Variants in MED4 observed in about 807,000 individuals in gnomAD.
The protein encoded by MED4 is mediator of RNA polymerase II transcription subunit 4.
In MED4, 21 loss-of-function variants were observed where a neutral mutation model predicts 35.0. The ratio of observed to expected loss-of-function variants is 0.60; its 90% CI spans 0.43 to 0.86. MED4 has a LOEUF of 0.86. Among genes scored for constraint, MED4 ranks in the 40% least tolerant of loss-of-function variants. MED4 has a pLI of 0.00. For synonymous variants in MED4, 138 were observed against 114.0 expected, an observed-to-expected ratio of 1.21 and a Z score of -1.34; for missense variants, 300 against 319.4, an observed-to-expected ratio of 0.94 and a Z score of 0.46.
rs773309065 is a variant in MED4 at position 48,095,014 on chromosome 13, C to A, written c.65G>T (p.Gly22Val). The A allele has an allele frequency of 8.1e-6, 13 of 1,604,720 alleles. No homozygotes were observed. The African/African-American group carries it at 1.7e-4, about 21-fold the overall frequency. The change falls in exon 1 of 7, where the codon GGT (glycine) becomes GTT (valine). Residue 22 changes from glycine (G) to valine (V), a missense_variant. Physicochemically the swap from Gly to Val is moderately radical, Grantham distance 109. Coordinates refer to ENST00000258648, the MANE Select transcript of MED4 (RefSeq NM_014166.4). ...CAGCCGCTCTCGTGTGCTGTTACCA[C>A]CCGCCACTCCCAAACCGCCTCCCAG... ...ERLGGGLGVA[G>V]GNSTRERLLS...
At chr13:48,093,338 T>C (rs1229849328) in intron 1 of MED4, among the ~76,000 whole-genome samples, 1 of 152,012 alleles carries the variant, frequency 6.6e-6, no homozygotes, top group Non-Finnish European at 1.5e-5. Context: ...TTTTATAAAC[T>C]AATAAATATC....
In MED4 at chr13:48,095,015, C is replaced by T; in HGVS notation, c.64G>A (p.Gly22Ser). The change falls in exon 1 of 7, where the codon GGT becomes AGT. Residue 22 changes from glycine (G) to serine (S), a missense_variant. Coordinates refer to ENST00000258648, the MANE Select transcript of MED4 (RefSeq NM_014166.4). Reference protein sequence around the residue: ...ERLGGGLGVAGGNSTRERLLS... With the variant: ...ERLGGGLGVASGNSTRERLLS... ...AGCCGCTCTCGTGTGCTGTTACCACCCGCCACTCCCAAACCGCCTCCCAGC... is the reference window on the plus strand; with the variant it reads ...AGCCGCTCTCGTGTGCTGTTACCACTCGCCACTCCCAAACCGCCTCCCAGC... 1 of 1,605,000 alleles carries T rather than the reference C, an allele frequency of 6.2e-7. No individual in the cohort carries two copies.
intron 4 of MED4, among the ~76,000 whole-genome samples, chr13:48,082,000 TA>T (rs1217883121): frequency 1.3e-5 from 2 of 152,198 alleles, no homozygotes; most frequent in Admixed American, 6.5e-5. Flanking sequence ...TAACTACCGT[TA>T]AATACCATTC....
At chr13:48,078,795 A>C (rs1193376595) in intron 6 of MED4, among the ~76,000 whole-genome samples, 2 of 152,216 alleles carry the variant, frequency 1.3e-5, no homozygotes, top group Non-Finnish European at 2.9e-5. Context: ...AGGATATCAC[A>C]GTTGAGTTCC....
chr13:48,081,634 A>C lies in MED4; in HGVS notation c.508+11T>G. ...CACATATATCTAGTATAATAAGACG[A>C]GTATGTTTACCTGGAACCCAGGTCA... is the stretch of plus-strand genomic sequence containing the variant. On this transcript the variant is annotated intron_variant, in intron 5 of 6. Coordinates refer to ENST00000258648, the MANE Select transcript of MED4 (RefSeq NM_014166.4). 1 of 1,594,798 alleles carries C rather than the reference A, an allele frequency of 6.3e-7. No homozygotes were observed. Among genetic ancestry groups the C allele is most frequent in the Non-Finnish European group, 8.6e-7 (1 of 1,165,886 alleles).
Position 48,079,187 on chromosome 13 carries a change from T to C in MED4, c.640+657A>G, listed in dbSNP as rs553871206. On this transcript the variant is annotated intron_variant, in intron 6 of 6. Coordinates refer to ENST00000258648, the MANE Select transcript of MED4 (RefSeq NM_014166.4). ...AAAAGTTTATAAAAAGCTATTGTTA[T>C]TCATTTTGTTAACTTGGGGGTTGTT... Among the ~76,000 whole-genome samples, 19 of 152,342 alleles carry C rather than the reference T, an allele frequency of 1.2e-4. No individual in the cohort carries two copies. In the South Asian group the frequency reaches 3.7e-3, roughly 30 times the overall value.
intron 3 of MED4, among the ~76,000 whole-genome samples, chr13:48,083,828 T>C (rs1950828373): frequency 6.6e-6 from 1 of 152,202 alleles, no homozygotes; most frequent in South Asian, 2.1e-4. Flanking sequence ...TGAATTCATA[T>C]TCTTATTCGT....
rs1247943019 is a variant in MED4, at chr13:48,083,520, A to C, written c.364-92T>G. The C allele has an allele frequency of 6.5e-6, 6 of 927,748 alleles. No individual in the cohort carries two copies. The East Asian group carries it at 1.5e-4, about 24-fold the overall frequency. The allele number at this position is 927,748 out of a possible 1,614,324, so 57.5% of individuals were successfully genotyped here. A position where few individuals can be genotyped will look rare whatever the true frequency, so the allele number is the denominator to read the frequency against. On this transcript the variant is annotated intron_variant, in intron 3 of 6. Transcript: ENST00000258648. ...AATTCACAAGATCCTTTAGCCTACAAGAACAATCTTTGAAACTTGGAAATC... is the reference window on the plus strand; with the variant it reads ...AATTCACAAGATCCTTTAGCCTACACGAACAATCTTTGAAACTTGGAAATC...
intron 4 of MED4, among the ~76,000 whole-genome samples, chr13:48,082,046 GAGA>G (rs1388202346): frequency 3.3e-5 from 5 of 152,062 alleles, no homozygotes; most frequent in Admixed American, 2.6e-4. Flanking sequence ...AAATAAAATA[GAGA>G]AAACAGTGTT....
chr13:48,094,988 G>A lies in MED4; in HGVS notation c.91C>T (p.Leu31=). The A allele has an allele frequency of 6.2e-7, 1 of 1,604,068 alleles. No homozygotes were observed. Reference sequence around the variant, plus strand: ...ACCTCCAAGTCCTCAAGCGCAGACAGCAGCCGCTCTCGTGTGCTGTTACCA... The same window carrying A: ...ACCTCCAAGTCCTCAAGCGCAGACAACAGCCGCTCTCGTGTGCTGTTACCA... ...AGGNSTRERL[L]SALEDLEVLS... is the part of the protein sequence containing the mutation. The change falls in exon 1 of 7, where the codon CTG becomes TTG. Residue 31 remains leucine, a synonymous_variant. Coordinates refer to ENST00000258648, the MANE Select transcript of MED4 (RefSeq NM_014166.4).
chr13:48,086,349 T>C lies in MED4; in HGVS notation c.296A>G (p.Glu99Gly), dbSNP rs202034042. 1.7e-5 allele frequency: 27 copies of C among 1,613,786 alleles called. No individual in the cohort carries two copies. The highest frequency in any genetic ancestry group is 1.9e-5 in the Non-Finnish European group (22 of 1,179,904). Residue 99 changes from glutamate (E) to glycine (G), a missense_variant, in exon 3 of 7, where the codon GAA (glutamate) becomes GGA (glycine). Transcript: ENST00000258648. ...AATATCACTGTCTCTCTTCTCTACT[T>C]CTTTTTCTAAAACTTGCATTTCATG... ...IHHEMQVLEK[E>G]VEKRDSDIQQ...
rs199856249 is a variant in MED4 at position 48,086,430 on chromosome 13, C to A, written c.215G>T (p.Arg72Leu). 2 of 1,613,448 alleles carry A rather than the reference C, an allele frequency of 1.2e-6. No individual in the cohort carries two copies. The highest frequency in any genetic ancestry group is 2.7e-5 in the African/African-American group (2 of 74,854). The change falls in exon 3 of 7, where the codon CGA (arginine) becomes CTA (leucine). Residue 72 changes from arginine (R) to leucine (L), a missense_variant. Arg to Leu is a moderately radical substitution (Grantham distance 102, BLOSUM62 -2). Transcript: ENST00000258648. ...CATTAGTTCTTGAAATTCCCCATCT[C>A]GGTGAATTAACAACTCCAGGACCTG... ...ENQVLELLIHRDGEFQELMKL... is the reference protein window; with the variant it reads ...ENQVLELLIHLDGEFQELMKL...
At chr13:48,085,615 AT>A (rs1178828475) in intron 3 of MED4, among the ~76,000 whole-genome samples, 1 of 152,216 alleles carries the variant, frequency 6.6e-6, no homozygotes, top group African/African-American at 2.4e-5. Context: ...TTGTTAAGAG[AT>A]TAATCAGTGG....
intron 2 of MED4, among the ~76,000 whole-genome samples, chr13:48,088,307 G>A (rs1452090962): frequency 1.3e-5 from 2 of 152,114 alleles, no homozygotes; most frequent in African/African-American, 4.8e-5. Flanking sequence ...AAAAAGTACA[G>A]GTATGCCTCT....
At chr13:48,086,246 CT>C in intron 3 of MED4, 35 bp downstream of exon 3, 1 of 1,589,616 alleles carries the variant, frequency 6.3e-7, no homozygotes, top group Non-Finnish European at 8.6e-7. Context: ...AAACAACATC[CT>C]TTTTAACCTT....
rs73479200 is a variant in MED4 at position 48,076,686 on chromosome 13, C to G, written c.*453G>C. On this transcript the variant is annotated 3_prime_UTR_variant, in exon 7 of 7. Coordinates refer to ENST00000258648, the MANE Select transcript of MED4 (RefSeq NM_014166.4). ...GCCAAGAGCCTTTACTGTCAAATGG[C>G]AGTTTTTGTTACTTTTAAATGACAC... 0.039 allele frequency: 5,960 copies of G among 152,564 alleles called. 254 individuals are homozygous for G. Among genetic ancestry groups the G allele is most frequent in the East Asian group, 0.096 (501 of 5,192 alleles). The allele number at this position is 152,564 out of a possible 1,614,324, so 9.5% of individuals were successfully genotyped here.
At position 48,083,370 on chromosome 13, in the gene MED4, C is replaced by A. The variant is rs972763048; in HGVS notation, c.421+1G>T. On this transcript the variant is annotated splice_donor_variant, in intron 4 of 6. Coordinates refer to ENST00000258648, the MANE Select transcript of MED4 (RefSeq NM_014166.4). LOFTEE classifies it high-confidence loss of function. ...TCATTCAGTCTTCCCATGATACTAACCTTTTCTTGCTTTTTCTATTGACTT... is the reference window on the plus strand; with the variant it reads ...TCATTCAGTCTTCCCATGATACTAAACTTTTCTTGCTTTTTCTATTGACTT... The A allele has an allele frequency of 2.5e-6, 4 of 1,612,280 alleles. No homozygotes were observed. The highest frequency in any genetic ancestry group is 3.4e-6 in the Non-Finnish European group (4 of 1,179,060).
rs1419561465 is a variant in MED4, at chr13:48,077,116, T to G, written c.*23A>C. 12 of 1,573,336 alleles carry G rather than the reference T, an allele frequency of 7.6e-6. No individual in the cohort carries two copies. Among genetic ancestry groups the G allele is most frequent in the Non-Finnish European group, 1.0e-5 (12 of 1,160,798 alleles). On this transcript the variant is annotated 3_prime_UTR_variant, in exon 7 of 7. Transcript: ENST00000258648. ...AACAGAATTCTACAGTATTCAATTC[T>G]GTATATTGTCTTTTAAGGTTTTTCA...
chr13:48,093,624 A>G lies in MED4; in HGVS notation c.125+1330T>C, dbSNP rs543256141. On this transcript the variant is annotated intron_variant, in intron 1 of 6. Transcript: ENST00000258648. ...AGCTTCATTCTGTGAAGAAGTTCCA[A>G]TGATCCGCCCGCCTTGGCCTCCCAA... The G allele has an allele frequency of 1.3e-3, 623 of 469,184 alleles. 6 individuals carry two copies. The Middle Eastern group carries it at 0.019, about 14-fold the overall frequency. The allele number at this position is 469,184 out of a possible 1,614,324, so 29.1% of individuals were successfully genotyped here. A position where few individuals can be genotyped will look rare whatever the true frequency, so the allele number is the denominator to read the frequency against.
Sources: allele counts gnomAD v4.1 joint callset (sites outside exome capture counted in the v4.1 genomes callset), GRCh38; gene constraint gnomAD v4.1.1; transcripts MANE v1.5; gene names NCBI Gene and HGNC (gene_info 2026-07-23, HGNC 2026-07-21).